SLC16A2: variants seen among roughly 807,000 people sequenced by gnomAD.
SLC16A2 encodes the protein solute carrier family 16 member 2.
In SLC16A2, 3 loss-of-function variants were observed where a neutral mutation model predicts 27.2. The ratio of observed to expected loss-of-function variants is 0.11; its 90% CI spans 0.05 to 0.28. The LOEUF (loss-of-function observed/expected upper bound fraction) is 0.28. SLC16A2 is among the 10% of genes least tolerant of loss of function. SLC16A2 has a pLI of 1.00. For missense variants in SLC16A2, 295 were observed against 458.5 expected, an observed-to-expected ratio of 0.64 and a Z score of 3.26; for synonymous variants, 202 against 187.8, an observed-to-expected ratio of 1.08 and a Z score of -0.62.
At position 74,467,478 on chromosome X, in the gene SLC16A2, C is replaced by T. The variant is rs114719757; in HGVS notation, c.430+45411C>T. 9.2e-3 allele frequency among the ~76,000 whole-genome samples: 1,022 copies of T among 111,253 alleles called. 13 individuals carry two copies. The highest frequency in any genetic ancestry group is 0.032 in the African/African-American group (974 of 30,600). ...TGGTTTGAAGGTTACCTTGTAGGCC[C>T]CTAGCACTCCCGCCCAAAGTATGTC... On this transcript the variant is annotated intron_variant, in intron 1 of 5. Transcript: ENST00000587091.
At chrX:74,463,989 T>C (rs1929204026) in intron 1 of SLC16A2, among the ~76,000 whole-genome samples, 1 of 112,578 alleles carries the variant, frequency 8.9e-6, no homozygotes, top group Admixed American at 9.4e-5. Context: ...TCTGTAACTA[T>C]AGATTAATTG....
chrX:74,476,963 G>A (rs925191631), intron 1 of SLC16A2: 19 of 111,788 alleles, frequency 1.7e-4, no homozygotes, highest in African/African-American at 6.2e-4. Flanking sequence ...TCTCTGCCAG[G>A]CTTTGGTATC....
intron 1 of SLC16A2, among the ~76,000 whole-genome samples, chrX:74,434,910 G>A (rs754322951): frequency 9.8e-6 from 1 of 102,365 alleles, no homozygotes; most frequent in East Asian, 3.3e-4. Flanking sequence ...TGCAACCTCC[G>A]CCTCCCAGGT....
chrX:74,502,286 G>T (rs911796715), intron 1 of SLC16A2, among the ~76,000 whole-genome samples: 1 of 111,859 alleles, frequency 8.9e-6, no homozygotes, highest in African/African-American at 3.3e-5. Flanking sequence ...CCCAGACCAG[G>T]CTCCTTCCTA....
intron 1 of SLC16A2, among the ~76,000 whole-genome samples, chrX:74,517,762 C>T (rs1320946701): frequency 2.7e-5 from 3 of 111,166 alleles, no homozygotes; most frequent in Non-Finnish European, 5.7e-5. Flanking sequence ...TTTTCATTAC[C>T]CCCAAAAAGT....
chrX:74,474,996 G>A (rs1423493234), intron 1 of SLC16A2, among the ~76,000 whole-genome samples: 23 of 111,481 alleles, frequency 2.1e-4, no homozygotes, highest in Non-Finnish European at 3.8e-5. Context: ...TATATACCCA[G>A]TAATGGGATG....
chrX:74,470,235 G>C (rs1192097259), intron 1 of SLC16A2, among the ~76,000 whole-genome samples: 1 of 112,486 alleles, frequency 8.9e-6, no homozygotes. Context: ...AATCTTGGTT[G>C]CTTCCAAGTT....
chrX:74,529,570 G>A, intron 5 of SLC16A2, 129 bp downstream of exon 5: 1 of 486,557 alleles, frequency 2.1e-6, no homozygotes, highest in Non-Finnish European at 3.4e-6. Flanking sequence ...TTGTCAGAGT[G>A]CGTGAAACCC....
At chrX:74,441,852 C>T (rs1928754121) in intron 1 of SLC16A2, among the ~76,000 whole-genome samples, 1 of 111,512 alleles carries the variant, frequency 9.0e-6, no homozygotes, top group Non-Finnish European at 1.9e-5. Flanking sequence ...TCTGACCTTC[C>T]TGTACCTGCC....
chrX:74,457,856 G>A (rs1400927575), intron 1 of SLC16A2, among the ~76,000 whole-genome samples: 1 of 111,366 alleles, frequency 9.0e-6, no homozygotes, highest in African/African-American at 3.3e-5. Flanking sequence ...GAGGCACTGG[G>A]CACCGGGACC....
intron 1 of SLC16A2, among the ~76,000 whole-genome samples, chrX:74,467,194 G>A (rs1929267060): frequency 8.9e-6 from 1 of 111,972 alleles, no homozygotes; most frequent in African/African-American, 3.2e-5. Context: ...AAGCTGGAAA[G>A]TGGTAAGGGG....
chrX:74,517,938 T>C (rs1399944167), intron 1 of SLC16A2, among the ~76,000 whole-genome samples: 1 of 112,380 alleles, frequency 8.9e-6, no homozygotes, highest in Non-Finnish European at 1.9e-5. Context: ...TTGAGATTGT[T>C]CAAGTTTCAG....
intron 1 of SLC16A2, among the ~76,000 whole-genome samples, chrX:74,439,291 T>C (rs184746417): frequency 0.024 from 2,303 of 96,874 alleles, 53 homozygotes; most frequent in South Asian, 0.079. Flanking sequence ...CTCCCTTCCT[T>C]CCTTCCTTCC....
intron 1 of SLC16A2, among the ~76,000 whole-genome samples, chrX:74,457,405 C>G (rs778398458): frequency 9.0e-6 from 1 of 110,636 alleles, no homozygotes; most frequent in South Asian, 4.0e-4. Context: ...TTCCCAGCCT[C>G]CATTGACTTT....
At chrX:74,422,129 C>T (rs985905219) in intron 1 of SLC16A2, 62 bp downstream of exon 1, 4 of 1,081,447 alleles carry the variant, frequency 3.7e-6, no homozygotes, top group East Asian at 6.2e-5. Context: ...CCGCTGCCAC[C>T]GACCCCATAC....
At chrX:74,465,033 A>G (rs1467727883) in intron 1 of SLC16A2, among the ~76,000 whole-genome samples, 2 of 112,061 alleles carry the variant, frequency 1.8e-5, no homozygotes, top group African/African-American at 6.5e-5. Context: ...GTACTAGGCC[A>G]GCCTATGGCC....
intron 1 of SLC16A2, among the ~76,000 whole-genome samples, chrX:74,426,071 G>A (rs996386933): frequency 4.5e-5 from 5 of 112,192 alleles, no homozygotes; most frequent in African/African-American, 6.5e-5. Context: ...GTGGGGCCAG[G>A]TAGAGTAGGC....
In SLC16A2 at chrX:74,462,373, G is replaced by A. The variant is rs755800058; in HGVS notation, c.430+40306G>A. ...CTCGCCCTGTCACCCAGGCTGGAGT[G>A]CAATGGCATGATCATGTCTCACTGC... On this transcript the variant is annotated intron_variant, in intron 1 of 5. Transcript: ENST00000587091. Among the ~76,000 whole-genome samples, 377 of 111,833 alleles carry A rather than the reference G, an allele frequency of 3.4e-3. 3 individuals are homozygous for A. Among genetic ancestry groups the A allele is most frequent in the Non-Finnish European group, 4.7e-3 (250 of 53,162 alleles).
chrX:74,482,625 A>G (rs1244758649), intron 1 of SLC16A2, among the ~76,000 whole-genome samples: 1 of 111,559 alleles, frequency 9.0e-6, no homozygotes, highest in Non-Finnish European at 1.9e-5. Flanking sequence ...GTATTTTTCA[A>G]CACTAGACAT....
Sources: gnomAD v4.1 joint callset for allele counts (sites outside exome capture counted in the v4.1 genomes callset) on GRCh38, gnomAD v4.1.1 for gene constraint, MANE v1.5 for transcripts, NCBI Gene and HGNC (gene_info 2026-07-23, HGNC 2026-07-21) for gene names.